Variants in LRMDA observed in about 807,000 individuals in gnomAD.
LRMDA encodes the protein leucine-rich melanocyte differentiation-associated protein.
Under a neutral mutation model 29.8 loss-of-function variants are expected in LRMDA, and 18 were observed. That is an observed-to-expected ratio of 0.60 (90% CI 0.42 to 0.90). The LOEUF (loss-of-function observed/expected upper bound fraction) is 0.90. LRMDA is among the 40% of genes least tolerant of loss of function. The pLI, the probability that LRMDA is intolerant of heterozygous loss-of-function variation, is 0.00. For missense variants in LRMDA, 273 were observed against 273.9 expected (o/e 1.00, Z 0.02); for synonymous variants, 125 against 109.4 (o/e 1.14, Z -0.89).
intron 2 of LRMDA, among the ~76,000 whole-genome samples, chr10:75,817,823 G>A (rs996954445): frequency 1.3e-5 from 2 of 152,202 alleles, no homozygotes; most frequent in African/African-American, 4.8e-5. Flanking sequence ...TGCTGTAAGA[G>A]AACACCCAAG....
rs144766814 is a variant in LRMDA, at chr10:76,407,025, G to A, written c.601+82540G>A. On this transcript the variant is annotated intron_variant, in intron 6 of 6. Transcript: ENST00000611255. ...TCCCTCCATCCACCCACAAACATTT[G>A]TTGAATGCCCATAAATAAGATCCAG... is the stretch of plus-strand genomic sequence containing the variant. Among the ~76,000 whole-genome samples, 6 of 152,202 alleles carry A rather than the reference G, an allele frequency of 3.9e-5. No individual in the cohort carries two copies. The East Asian group carries it at 7.8e-4, about 20-fold the overall frequency.
Position 75,801,764 on chromosome 10 carries a change from A to G in LRMDA, c.132-234244A>G, listed in dbSNP as rs138465356. Among the ~76,000 whole-genome samples the G allele has an allele frequency of 1.2e-3, 185 of 152,308 alleles. 2 individuals carry two copies. In the Middle Eastern group the frequency reaches 0.034, roughly 28 times the overall value. On this transcript the variant is annotated intron_variant, in intron 2 of 6. Transcript: ENST00000611255. Reference sequence around the variant, plus strand: ...CTGAGTGAGAGATAAGGAGCTGTCGAATGGCTTCCTTAGAGAAAAAATGTT... The same window carrying G: ...CTGAGTGAGAGATAAGGAGCTGTCGGATGGCTTCCTTAGAGAAAAAATGTT...
At chr10:76,227,172 G>A (rs926996223) in intron 5 of LRMDA, among the ~76,000 whole-genome samples, 3 of 152,308 alleles carry the variant, frequency 2.0e-5, no homozygotes, top group Middle Eastern at 3.4e-3. Flanking sequence ...TGGAAAAAAG[G>A]AATTTAGAAT....
intron 5 of LRMDA, among the ~76,000 whole-genome samples, chr10:76,084,480 A>G (rs1589319651): frequency 7.1e-6 from 1 of 140,318 alleles, no homozygotes. Context: ...CTCCCAAAGT[A>G]CTGGGAATAT....
chr10:76,390,519 CAAG>C (rs1476682484), intron 6 of LRMDA, among the ~76,000 whole-genome samples: 7 of 147,510 alleles, frequency 4.7e-5, no homozygotes, highest in Admixed American at 4.7e-4. Context: ...AAAAAAAAAA[CAAG>C]AAAACTCAAT....
chr10:75,650,031 A>T (rs765663181), intron 2 of LRMDA, among the ~76,000 whole-genome samples: 8 of 152,116 alleles, frequency 5.3e-5, no homozygotes, highest in Non-Finnish European at 1.0e-4. Context: ...CCCTTATCAG[A>T]TATGTGATTT....
At chr10:76,481,982 T>A (rs923941740) in intron 6 of LRMDA, among the ~76,000 whole-genome samples, 2 of 151,938 alleles carry the variant, frequency 1.3e-5, no homozygotes, top group Non-Finnish European at 2.9e-5. Context: ...TGTTTCCACC[T>A]AGATTTCCTT....
At chr10:76,301,991 G>C (rs1840486540) in intron 5 of LRMDA, among the ~76,000 whole-genome samples, 1 of 152,186 alleles carries the variant, frequency 6.6e-6, no homozygotes, top group South Asian at 2.1e-4. Context: ...AAATGTTCAT[G>C]GCCTCCCTAG....
intron 2 of LRMDA, among the ~76,000 whole-genome samples, chr10:75,825,456 A>G: frequency 6.6e-6 from 1 of 152,216 alleles, no homozygotes; most frequent in East Asian, 1.9e-4. Flanking sequence ...GTTAGTTATT[A>G]ACTGCAAAAA....
intron 2 of LRMDA, among the ~76,000 whole-genome samples, chr10:75,846,122 T>C (rs1241353842): frequency 6.6e-6 from 1 of 152,022 alleles, no homozygotes; most frequent in East Asian, 1.9e-4. Context: ...TAAGAAGTAA[T>C]GCATTTACTT....
At chr10:76,385,430 G>A (rs1389922683) in intron 6 of LRMDA, among the ~76,000 whole-genome samples, 1 of 152,190 alleles carries the variant, frequency 6.6e-6, no homozygotes, top group Non-Finnish European at 1.5e-5. Context: ...ACCCCAAAAG[G>A]TATGATACTT....
At chr10:76,484,841 T>C (rs913063365) in intron 6 of LRMDA, among the ~76,000 whole-genome samples, 1 of 151,898 alleles carries the variant, frequency 6.6e-6, no homozygotes, top group Non-Finnish European at 1.5e-5. Flanking sequence ...GGTGCATACC[T>C]GATAAGTACT....
At chr10:75,482,295 A>C (rs1364149486) in intron 2 of LRMDA, among the ~76,000 whole-genome samples, 1 of 152,016 alleles carries the variant, frequency 6.6e-6, no homozygotes, top group Non-Finnish European at 1.5e-5. Context: ...CTCACCATGA[A>C]CTCACGTGGA....
intron 2 of LRMDA, among the ~76,000 whole-genome samples, chr10:75,513,261 C>G (rs1007433007): frequency 1.3e-5 from 2 of 152,174 alleles, no homozygotes; most frequent in Non-Finnish European, 2.9e-5. Context: ...CCATTACGTG[C>G]ATGCTTGCTG....
intron 2 of LRMDA, among the ~76,000 whole-genome samples, chr10:75,507,468 A>G (rs577422675): frequency 9.2e-5 from 14 of 152,188 alleles, no homozygotes; most frequent in Non-Finnish European, 1.9e-4. Context: ...AGGGCCTCTG[A>G]TATGGTGTCC....
chr10:76,363,178 G>GAAAGAAAGAAAGAAAGA lies in LRMDA; in HGVS notation c.601+38694_601+38695insAAGAAAGAAAGAAAGAA, dbSNP rs1564520675. ...GAAAGAAAGAAAGAAAGAAAGAAAG[G>GAAAGAAAGAAAGAAAGA]AGGGAGGGAGGGAGGGAGGGAGGGA... On this transcript the variant is annotated intron_variant, in intron 6 of 6. Transcript: ENST00000611255. Among the ~76,000 whole-genome samples the GAAAGAAAGAAAGAAAGA allele has an allele frequency of 1.5e-3, 19 of 12,266 alleles. 1 individual carries two copies. Among genetic ancestry groups the GAAAGAAAGAAAGAAAGA allele is most frequent in the East Asian group, 6.6e-3 (7 of 1,064 alleles). 8.0% of individuals were successfully genotyped at this position (12,266 alleles called of 152,430 possible).
intron 6 of LRMDA, among the ~76,000 whole-genome samples, chr10:76,371,961 A>G (rs1841459710): frequency 6.6e-6 from 1 of 152,172 alleles, no homozygotes; most frequent in South Asian, 2.1e-4. Flanking sequence ...GCCTCTAACA[A>G]GGCAAGGTCC....
intron 3 of LRMDA, 25 bp downstream of exon 3, chr10:76,036,159 C>T (rs1336737991): frequency 6.2e-7 from 1 of 1,602,358 alleles, no homozygotes; most frequent in Non-Finnish European, 8.5e-7. Flanking sequence ...GCCCGCTGCC[C>T]CCACTCCCCA....
chr10:76,516,296 CAA>C (rs1233704213), intron 6 of LRMDA, among the ~76,000 whole-genome samples: 1 of 151,960 alleles, frequency 6.6e-6, no homozygotes. Flanking sequence ...AATGATTAAA[CAA>C]ATAAAGGTGG....
Sources: gnomAD v4.1 joint callset for allele counts (sites outside exome capture counted in the v4.1 genomes callset) on GRCh38, gnomAD v4.1.1 for gene constraint, MANE v1.5 for transcripts, NCBI Gene and HGNC (gene_info 2026-07-23, HGNC 2026-07-21) for gene names.